Variants in SH3TC2 observed in about 807,000 individuals in gnomAD.
SH3TC2 encodes SH3 domain and tetratricopeptide repeats 2.
SH3TC2 carries 87 observed loss-of-function variants against 124.5 expected under a neutral mutation model. The ratio of observed to expected loss-of-function variants is 0.70; its 90% CI spans 0.59 to 0.84. The LOEUF is 0.84. Ranked by LOEUF, SH3TC2 falls within the 40% of genes least tolerant of loss-of-function variation. The probability of loss-of-function intolerance (pLI) is 0.00; values close to 1 mark genes in which losing one functional copy is unlikely to be tolerated. For missense variants in SH3TC2, 1,536 were observed against 1,566.4 expected (o/e 0.98, Z 0.33); for synonymous variants, 634 against 628.5 (o/e 1.01, Z -0.13).
At chr5:149,062,248 T>C (rs1754765391) in intron 1 of SH3TC2, 2 of 456,700 alleles carry the variant, frequency 4.4e-6, no homozygotes, top group Non-Finnish European at 9.0e-6. Flanking sequence ...CCACTCATCC[T>C]GATAAACACC....
In SH3TC2 at chr5:149,028,093, C is replaced by A; in HGVS notation, c.1639G>T (p.Ala547Ser). 6.2e-7 allele frequency: 1 copy of A among 1,614,076 alleles called. No individual in the cohort carries two copies. Among genetic ancestry groups the A allele is most frequent in the Non-Finnish European group, 8.5e-7 (1 of 1,180,036 alleles). Residue 547 changes from alanine (A) to serine (S), a missense_variant, in exon 11 of 17, where the codon GCC becomes TCC. Physicochemically the swap from Ala to Ser is moderately conservative, Grantham distance 99 (BLOSUM62 1). Transcript: ENST00000515425. ...LSIRKVKLSQ[A>S]RVYFEEAIHI... ...ATGGCCTCCTCGAAGTACACCCTGG[C>A]CTGAGAGAGTTTGACCTTCCTGATG... is the stretch of plus-strand genomic sequence containing the variant.
At position 148,988,553 on chromosome 5, in the gene SH3TC2, C is replaced by T. The variant is rs1397243343; in HGVS notation, c.*16158G>A. On this transcript the variant is annotated 3_prime_UTR_variant, in exon 17 of 17. Transcript: ENST00000515425. Reference sequence around the variant, plus strand: ...ACCATGCTGTAAGACGGCCAAGCCACATGGAGTCGACATGGCTCACGGCTC... The same window carrying T: ...ACCATGCTGTAAGACGGCCAAGCCATATGGAGTCGACATGGCTCACGGCTC... Among the ~76,000 whole-genome samples the T allele has an allele frequency of 1.3e-5, 2 of 152,162 alleles. No individual in the cohort carries two copies. The highest frequency in any genetic ancestry group is 1.3e-4 in the Admixed American group (2 of 15,280).
Position 148,991,648 on chromosome 5 carries a change from T to C in SH3TC2, c.*13063A>G, listed in dbSNP as rs1753421376. The stretch of plus-strand genomic sequence containing the variant: ...GTTGAAATGCTTGCTCTGGGAGGGG[T>C]GGCCAGTCAGCTGGGGTCACAAAAG... On this transcript the variant is annotated 3_prime_UTR_variant, in exon 17 of 17. Transcript: ENST00000515425. Among the ~76,000 whole-genome samples the C allele has an allele frequency of 6.6e-6, 1 of 152,064 alleles. No homozygotes were observed. The highest frequency in any genetic ancestry group is 2.4e-5 in the African/African-American group (1 of 41,392).
chr5:148,994,779 T>A lies in SH3TC2; in HGVS notation c.*9932A>T, dbSNP rs140337321. Reference sequence around the variant, plus strand: ...AGATGGATGAATAGATGGATAACCGTCTGCATCCTCTGTCCCAAAGGAGCT... The same window carrying A: ...AGATGGATGAATAGATGGATAACCGACTGCATCCTCTGTCCCAAAGGAGCT... On this transcript the variant is annotated 3_prime_UTR_variant, in exon 17 of 17. Transcript: ENST00000515425. Among the ~76,000 whole-genome samples, 1 of 149,012 alleles carries A rather than the reference T, an allele frequency of 6.7e-6. No individual in the cohort carries two copies. Among genetic ancestry groups the A allele is most frequent in the African/African-American group, 2.4e-5 (1 of 40,886 alleles).
chr5:149,023,739 T>G (rs1457039180), intron 12 of SH3TC2, among the ~76,000 whole-genome samples: 1 of 151,932 alleles, frequency 6.6e-6, no homozygotes, highest in Non-Finnish European at 1.5e-5. Flanking sequence ...CCCACCACCA[T>G]GCCTGGCTAA....
At chr5:149,014,632 T>A (rs892334914) in intron 12 of SH3TC2, among the ~76,000 whole-genome samples, 2 of 152,062 alleles carry the variant, frequency 1.3e-5, no homozygotes, top group African/African-American at 4.8e-5. Flanking sequence ...TTTATTGACA[T>A]CCCAATGGGC....
rs765446985 is a variant in SH3TC2, at chr5:149,042,853, A to C, written c.386-16T>G. 2 of 1,613,986 alleles carry C rather than the reference A, an allele frequency of 1.2e-6. No homozygotes were observed. The highest frequency in any genetic ancestry group is 1.1e-5 in the South Asian group (1 of 91,080). Reference sequence around the variant, plus strand: ...GATACGTAGCCTAAGAAGTCAAGCCAACAAGATTTCTGAACAAAATGATTT... The same window carrying C: ...GATACGTAGCCTAAGAAGTCAAGCCCACAAGATTTCTGAACAAAATGATTT... On this transcript the variant is annotated splice_polypyrimidine_tract_variant and intron_variant, in intron 4 of 16. Transcript: ENST00000515425.
At chr5:149,008,741 AT>A in intron 15 of SH3TC2, 109 bp downstream of exon 15, 1 of 1,491,806 alleles carries the variant, frequency 6.7e-7, no homozygotes, top group Admixed American at 1.7e-5. Context: ...TGGACCTGGG[AT>A]TTGAACCCAC....
rs374618793 is a variant in SH3TC2, at chr5:149,047,814, A to G, written c.279+48T>C. The G allele has an allele frequency of 2.0e-5, 32 of 1,612,012 alleles. No homozygotes were observed. The African/African-American group carries it at 2.9e-4, about 15-fold the overall frequency. ...TTAGATGCTAGGGATCCTGTAGCAGACTGACACAAGTCAGTACTCAGCATT... is the reference window on the plus strand; with the variant it reads ...TTAGATGCTAGGGATCCTGTAGCAGGCTGACACAAGTCAGTACTCAGCATT... On this transcript the variant is annotated intron_variant, in intron 3 of 16. Coordinates refer to ENST00000515425, the MANE Select transcript of SH3TC2 (RefSeq NM_024577.4).
rs1432797 is a variant in SH3TC2 at position 149,000,851 on chromosome 5, C to T, written c.*3860G>A. ...GTAAAAAGAAGATAATATAATTGAG[C>T]TATAAAAATATATTATTTCATCTCT... On this transcript the variant is annotated 3_prime_UTR_variant, in exon 17 of 17. Coordinates refer to ENST00000515425, the MANE Select transcript of SH3TC2 (RefSeq NM_024577.4). Among the ~76,000 whole-genome samples the T allele has an allele frequency of 0.035, 5,290 of 152,256 alleles. 342 individuals carry two copies. The highest frequency in any genetic ancestry group is 0.17 in the Admixed American group (2,555 of 15,290).
In SH3TC2 at chr5:148,986,535, T is replaced by C. The variant is rs1368966907; in HGVS notation, c.*18176A>G. ...CTTTGTGAGTTAAGATCTGCCAGGG[T>C]AGCAACCTCCATCAACTACATTGCT... On this transcript the variant is annotated 3_prime_UTR_variant, in exon 17 of 17. Transcript: ENST00000515425. 6.6e-6 allele frequency among the ~76,000 whole-genome samples: 1 copy of C among 152,238 alleles called. No individual in the cohort carries two copies. Among genetic ancestry groups the C allele is most frequent in the Non-Finnish European group, 1.5e-5 (1 of 68,038 alleles).
intron 7 of SH3TC2, among the ~76,000 whole-genome samples, chr5:149,040,392 T>C (rs1245166675): frequency 6.6e-6 from 1 of 152,154 alleles, no homozygotes; most frequent in African/African-American, 2.4e-5. Context: ...TGCCCACACC[T>C]GCAGGCATTT....
chr5:149,047,867 A>T lies in SH3TC2; in HGVS notation c.274T>A (p.Phe92Ile), dbSNP rs1440013918. ...CCTGTTTCCTTCATGCTCACCTTAA[A>T]CAGCATGCGCACCTCCTGGTCCTCA... ...ENEDQEVRML[F>I]KDLSARLVSI... Residue 92 changes from phenylalanine (F) to isoleucine (I), a missense_variant, in exon 3 of 17, where the codon TTT (phenylalanine) becomes ATT (isoleucine). Phe to Ile is a conservative substitution (Grantham distance 21, BLOSUM62 0). Transcript: ENST00000515425. 1.2e-6 allele frequency: 2 copies of T among 1,613,856 alleles called. No homozygotes were observed. The highest frequency in any genetic ancestry group is 2.7e-5 in the African/African-American group (2 of 74,850).
rs1319539180 is a variant in SH3TC2, at chr5:148,989,263, A to C, written c.*15448T>G. Among the ~76,000 whole-genome samples, 1 of 152,226 alleles carries C rather than the reference A, an allele frequency of 6.6e-6. No individual in the cohort carries two copies. Among genetic ancestry groups the C allele is most frequent in the African/African-American group, 2.4e-5 (1 of 41,460 alleles). ...AGCCACCATGCTAACTGCTTTAGAC[A>C]TATTAATTCATTAATTTTACAATAA... On this transcript the variant is annotated 3_prime_UTR_variant, in exon 17 of 17. Transcript: ENST00000515425.
intron 1 of SH3TC2, among the ~76,000 whole-genome samples, chr5:149,060,536 C>G (rs1312040695): frequency 6.6e-6 from 1 of 152,154 alleles, no homozygotes; most frequent in Non-Finnish European, 1.5e-5. Context: ...GTCCAGTGCT[C>G]AGTGCTATCA....
At chr5:149,016,513 T>G (rs1392136968) in intron 12 of SH3TC2, among the ~76,000 whole-genome samples, 2 of 152,222 alleles carry the variant, frequency 1.3e-5, no homozygotes, top group Non-Finnish European at 2.9e-5. Context: ...ATTCTTTCCT[T>G]ATTTACAACA....
chr5:149,037,902 C>T (rs1290771201), intron 8 of SH3TC2, among the ~76,000 whole-genome samples: 2 of 152,126 alleles, frequency 1.3e-5, no homozygotes, highest in African/African-American at 2.4e-5. Context: ...ATGGGACCCA[C>T]CTCCCAGCCC....
rs1375806577 is a variant in SH3TC2, at chr5:149,027,147, G to A, written c.2585C>T (p.Ala862Val). 1 of 1,614,152 alleles carries A rather than the reference G, an allele frequency of 6.2e-7. No homozygotes were observed. The change falls in exon 11 of 17, where the codon GCC (alanine) becomes GTC (valine). Residue 862 changes from alanine (A) to valine (V), a missense_variant. Ala to Val is a moderately conservative substitution (Grantham distance 64). Coordinates refer to ENST00000515425, the MANE Select transcript of SH3TC2 (RefSeq NM_024577.4). ...TCCCACCTCCTGGGCTCTGTTCAAG[G>A]CCCGAAGATAGCTCTTGGCTGCCCT... is the stretch of plus-strand genomic sequence containing the variant. The part of the protein sequence containing the change: ...VNRAAKSYLR[A>V]LNRAQEVGDV...
intron 15 of SH3TC2, 130 bp from the exon 16 acceptor site, chr5:149,007,207 G>T: frequency 1.2e-6 from 1 of 805,134 alleles, no homozygotes; most frequent in Non-Finnish European, 2.1e-6. Context: ...TAGGAAATAA[G>T]ACAGAAGAGG....
Sources: allele counts gnomAD v4.1 joint callset (sites outside exome capture counted in the v4.1 genomes callset), GRCh38; gene constraint gnomAD v4.1.1; transcripts MANE v1.5; gene names NCBI Gene and HGNC (gene_info 2026-07-23, HGNC 2026-07-21).